The following RAD51B variants were observed in gnomAD, a reference collection of about 807,000 sequenced individuals.
RAD51B encodes DNA repair protein RAD51 homolog 2.
In RAD51B, 38 loss-of-function variants were observed where a neutral mutation model predicts 42.2. The ratio of observed to expected loss-of-function variants is 0.90; its 90% CI spans 0.70 to 1.18. The LOEUF (loss-of-function observed/expected upper bound fraction) is 1.18, where lower values mean the gene tolerates loss of function less well. Among genes scored for constraint, RAD51B ranks in the 50% most tolerant of loss-of-function variants. RAD51B has a pLI of 0.00. For synonymous variants in RAD51B, 154 were observed against 145.2 expected (o/e 1.06, Z -0.43); for missense variants, 373 against 400.7 (o/e 0.93, Z 0.59).
chr14:68,649,979 T>C (rs138338680), intron 10 of RAD51B, among the ~76,000 whole-genome samples: 156 of 152,318 alleles, frequency 1.0e-3, no homozygotes, highest in African/African-American at 3.6e-3. Context: ...TGGCCTGGGC[T>C]GCAGGGCTCC....
intron 10 of RAD51B, among the ~76,000 whole-genome samples, chr14:68,485,665 C>A (rs1471461001): frequency 6.6e-6 from 1 of 152,126 alleles, no homozygotes; most frequent in Admixed American, 6.5e-5. Flanking sequence ...ATCCCTTGTC[C>A]CTATCCCTGA....
At chr14:67,823,445 GAATTTTT>G (rs1345531669) in intron 1 of RAD51B, 90 bp from the exon 2 acceptor site, 2 of 937,214 alleles carry the variant, frequency 2.1e-6, no homozygotes, top group South Asian at 1.7e-5. Context: ...GAAACTTGAG[GAATTTTT>G]AATTTTGTTT....
At chr14:68,235,732 AG>A in intron 7 of RAD51B, among the ~76,000 whole-genome samples, 2 of 148,672 alleles carry the variant, frequency 1.3e-5, no homozygotes, top group African/African-American at 2.5e-5. Context: ...AAAAAAAAAA[AG>A]AGCTGAGATC....
At chr14:68,369,140 T>C (rs554938016) in intron 8 of RAD51B, among the ~76,000 whole-genome samples, 1 of 152,332 alleles carries the variant, frequency 6.6e-6, no homozygotes, top group South Asian at 2.1e-4. Context: ...GTGACATGGT[T>C]CCATATTGAC....
chr14:68,331,727 C>G (rs1272891468), intron 8 of RAD51B, among the ~76,000 whole-genome samples: 1 of 152,156 alleles, frequency 6.6e-6, no homozygotes, highest in Non-Finnish European at 1.5e-5. Flanking sequence ...AGGAGGGTTT[C>G]CAGCTTTTAA....
chr14:67,861,673 A>G (rs1279697294), intron 4 of RAD51B, among the ~76,000 whole-genome samples: 2 of 152,120 alleles, frequency 1.3e-5, no homozygotes, highest in South Asian at 2.1e-4. Flanking sequence ...ACAAGTGACT[A>G]TGTAATCTGC....
At chr14:68,045,236 C>CAAAAAAA (rs537073885) in intron 7 of RAD51B, among the ~76,000 whole-genome samples, 304 of 21,862 alleles carry the variant, frequency 0.014, 2 homozygotes, top group Middle Eastern at 0.036. Flanking sequence ...AACTCTGTCT[C>CAAAAAAA]AAAAAAAAAA....
At chr14:68,233,405 T>C (rs942122174) in intron 7 of RAD51B, among the ~76,000 whole-genome samples, 1 of 152,212 alleles carries the variant, frequency 6.6e-6, no homozygotes, top group Non-Finnish European at 1.5e-5. Flanking sequence ...TGAAGCTTAT[T>C]TTAGAAGAAA....
rs57967320 is a variant in RAD51B at position 68,504,662 on chromosome 14, C to CTTTTT, written c.1036+36433_1036+36437dup. Reference sequence around the variant, plus strand: ...AAGGAGTAATCCTTTTTTTTTCTTTCTTTTTTTTTTTTTTTTTTTTTTTTT... The same window carrying CTTTTT: ...AAGGAGTAATCCTTTTTTTTTCTTTCTTTTTTTTTTTTTTTTTTTTTTTTTTTTTT... On this transcript the variant is annotated intron_variant, in intron 10 of 10. Coordinates refer to the RAD51B transcript ENST00000487270. 2.0e-3 allele frequency among the ~76,000 whole-genome samples: 184 copies of CTTTTT among 90,402 alleles called. 1 individual carries two copies. Among genetic ancestry groups the CTTTTT allele is most frequent in the African/African-American group, 6.6e-3 (163 of 24,534 alleles). The allele number at this position is 90,402 out of a possible 152,430, so 59.3% of individuals were successfully genotyped here.
intron 8 of RAD51B, among the ~76,000 whole-genome samples, chr14:68,410,812 T>G (rs35190649): frequency 6.6e-6 from 1 of 152,112 alleles, no homozygotes; most frequent in East Asian, 1.9e-4. Flanking sequence ...TAGAGTTTAC[T>G]TCAGACCCTC....
At chr14:68,288,428 G>A (rs1595664589) in intron 7 of RAD51B, among the ~76,000 whole-genome samples, 1 of 152,188 alleles carries the variant, frequency 6.6e-6, no homozygotes, top group African/African-American at 2.4e-5. Flanking sequence ...AAATAAGTTA[G>A]GAGCTTGTTC....
chr14:68,232,282 A>G (rs2080163796), intron 7 of RAD51B, among the ~76,000 whole-genome samples: 1 of 152,206 alleles, frequency 6.6e-6, no homozygotes, highest in South Asian at 2.1e-4. Flanking sequence ...TGAATAGATG[A>G]AATAAGGAGC....
chr14:68,254,095 C>G (rs1015641060), intron 7 of RAD51B, among the ~76,000 whole-genome samples: 5 of 152,176 alleles, frequency 3.3e-5, no homozygotes, highest in African/African-American at 1.2e-4. Flanking sequence ...TTGGAAAGGA[C>G]TTGCCTTCTC....
intron 10 of RAD51B, among the ~76,000 whole-genome samples, chr14:68,603,556 C>A (rs1453257598): frequency 1.3e-5 from 2 of 151,988 alleles, no homozygotes; most frequent in African/African-American, 2.4e-5. Flanking sequence ...TTTTTGGGGT[C>A]CCCATCATGC....
chr14:68,207,768 T>G (rs1213846466), intron 7 of RAD51B, among the ~76,000 whole-genome samples: 1 of 152,106 alleles, frequency 6.6e-6, no homozygotes, highest in Non-Finnish European at 1.5e-5. Context: ...CAAGGAAAAT[T>G]GAAGACCGAG....
chr14:68,677,919 GT>G (rs1198387085), intron 11 of RAD51B, among the ~76,000 whole-genome samples: 2 of 152,100 alleles, frequency 1.3e-5, no homozygotes, highest in Admixed American at 6.5e-5. Context: ...TTCCAGCTGT[GT>G]TTTTCCCCCT....
At chr14:67,839,820 T>A (rs919721409) in intron 4 of RAD51B, among the ~76,000 whole-genome samples, 1 of 152,094 alleles carries the variant, frequency 6.6e-6, no homozygotes, top group African/African-American at 2.4e-5. Context: ...AGACTGAATT[T>A]TTCTTGAAGC....
At chr14:68,306,534 A>G (rs1226001992) in intron 8 of RAD51B, 3 of 438,728 alleles carry the variant, frequency 6.8e-6, no homozygotes, top group Non-Finnish European at 1.4e-5. Context: ...GCTCTCTCAG[A>G]GGAAGTCATC....
intron 7 of RAD51B, among the ~76,000 whole-genome samples, chr14:68,052,629 T>TTC (rs1480363209): frequency 1.0e-3 from 85 of 81,350 alleles, no homozygotes; most frequent in Non-Finnish European, 1.5e-3. Flanking sequence ...CTTCTTCTTC[T>TTC]TTTTTTTTTT....
Sources: gnomAD v4.1 joint callset for allele counts (sites outside exome capture counted in the v4.1 genomes callset) on GRCh38, gnomAD v4.1.1 for gene constraint, MANE v1.5 for transcripts, NCBI Gene and HGNC (gene_info 2026-07-23, HGNC 2026-07-21) for gene names.